GATAD2A: variants seen among roughly 807,000 people sequenced by gnomAD.
The protein encoded by GATAD2A is GATA zinc finger domain containing 2A, also known as transcriptional repressor p66-alpha.
GATAD2A carries 12 observed loss-of-function variants against 68.5 expected under a neutral mutation model. That is an observed-to-expected ratio of 0.18 (90% CI 0.11 to 0.28). The LOEUF is 0.28. GATAD2A is among the 10% of genes least tolerant of loss of function. The pLI, the probability that GATAD2A is intolerant of heterozygous loss-of-function variation, is 1.00. For synonymous variants in GATAD2A, 410 were observed against 375.3 expected (o/e 1.09, Z -1.07); for missense variants, 755 against 868.5 (o/e 0.87, Z 1.64).
At chr19:19,461,200 G>A (rs773151822) in intron 1 of GATAD2A, among the ~76,000 whole-genome samples, 4 of 152,192 alleles carry the variant, frequency 2.6e-5, no homozygotes, top group African/African-American at 4.8e-5. Flanking sequence ...CACTTACTGC[G>A]AAGCCTCACT....
At chr19:19,502,796 A>C (rs982486927) in intron 11 of GATAD2A, among the ~76,000 whole-genome samples, 1 of 152,216 alleles carries the variant, frequency 6.6e-6, no homozygotes, top group Non-Finnish European at 1.5e-5. Flanking sequence ...CCTGGCTCAG[A>C]GGGTGCCCCC....
chr19:19,451,779 T>A (rs886334794), intron 1 of GATAD2A, among the ~76,000 whole-genome samples: 1 of 152,226 alleles, frequency 6.6e-6, no homozygotes, highest in African/African-American at 2.4e-5. Flanking sequence ...TCAGTAGCTG[T>A]GTGGACGCTG....
intron 1 of GATAD2A, among the ~76,000 whole-genome samples, chr19:19,399,018 C>T (rs1281846765): frequency 1.3e-5 from 2 of 151,844 alleles, no homozygotes; most frequent in Non-Finnish European, 2.9e-5. Context: ...GAGATCACGC[C>T]ACTGCCCTCC....
In GATAD2A at chr19:19,414,530, C is replaced by CTT. The variant is rs758728889; in HGVS notation, c.-7+8535_-7+8536dup. Among the ~76,000 whole-genome samples, 440 of 70,220 alleles carry CTT rather than the reference C, an allele frequency of 6.3e-3. 28 individuals are homozygous for CTT. The highest frequency in any genetic ancestry group is 0.02 in the African/African-American group (334 of 16,656). 46.1% of individuals were successfully genotyped at this position (70,220 alleles called of 152,430 possible). ...TCAGTTTCCTTCCTCAGGGCCTTGT[C>CTT]TTTTTTTTTTTTTTTTTTTTTTTTT... is the stretch of plus-strand genomic sequence containing the variant. On this transcript the variant is annotated intron_variant, in intron 1 of 11. Coordinates refer to ENST00000683918, the MANE Select transcript of GATAD2A (RefSeq NM_001384528.1).
At chr19:19,403,886 A>G (rs1479238518), upstream of GATAD2A, among the ~76,000 whole-genome samples, 1 of 152,168 alleles carries the variant, frequency 6.6e-6, no homozygotes, top group African/African-American at 2.4e-5. Context: ...AGCTCTTTGA[A>G]TTCCTATACC....
At chr19:19,430,834 A>G (rs2053639429) in intron 1 of GATAD2A, among the ~76,000 whole-genome samples, 1 of 152,146 alleles carries the variant, frequency 6.6e-6, no homozygotes, top group Non-Finnish European at 1.5e-5. Context: ...TGAGCTTGAG[A>G]GGATAAAATG....
intron 1 of GATAD2A, among the ~76,000 whole-genome samples, chr19:19,434,693 C>G (rs1461168315): frequency 3.3e-5 from 5 of 152,110 alleles, no homozygotes; most frequent in Non-Finnish European, 7.4e-5. Flanking sequence ...AGCCTCTGGC[C>G]CATAGCCCTG....
intron 2 of GATAD2A, among the ~76,000 whole-genome samples, chr19:19,490,821 G>A (rs2059744223): frequency 6.6e-6 from 1 of 152,170 alleles, no homozygotes; most frequent in Admixed American, 6.5e-5. Context: ...GGAGGTGGAG[G>A]TTGCAGTGAG....
At chr19:19,492,533 C>G in intron 3 of GATAD2A, 48 bp from the exon 4 acceptor site, 3 of 1,612,170 alleles carry the variant, frequency 1.9e-6, no homozygotes, top group Non-Finnish European at 2.5e-6. Flanking sequence ...GGCCTCTGCT[C>G]CTCACCAAGG....
intron 1 of GATAD2A, among the ~76,000 whole-genome samples, chr19:19,459,203 T>A (rs1363012127): frequency 2.6e-5 from 4 of 152,196 alleles, no homozygotes; most frequent in Non-Finnish European, 5.9e-5. Context: ...ACAGGACTGA[T>A]TCATAGTCAC....
intron 7 of GATAD2A, among the ~76,000 whole-genome samples, 163 bp downstream of exon 7, chr19:19,496,382 G>T (rs926108252): frequency 2.6e-5 from 4 of 152,200 alleles, no homozygotes; most frequent in Admixed American, 6.5e-5. Context: ...AGCTCCTGGG[G>T]GCCACAGGGC....
exon 1 of GATAD2A, chr19:19,385,960 C>G (rs1285984484): frequency 1.3e-5 from 2 of 148,608 alleles, no homozygotes; most frequent in African/African-American, 4.9e-5. Flanking sequence ...GAGCGCGCCC[C>G]GCGCCGCCCG....
chr19:19,448,173 T>C (rs2055955157), intron 1 of GATAD2A, among the ~76,000 whole-genome samples: 2 of 152,246 alleles, frequency 1.3e-5, no homozygotes, highest in South Asian at 4.1e-4. Context: ...TGGCCAGCCC[T>C]CACAGTGACG....
At chr19:19,477,075 A>G (rs1335248004) in intron 2 of GATAD2A, among the ~76,000 whole-genome samples, 2 of 152,180 alleles carry the variant, frequency 1.3e-5, no homozygotes, top group African/African-American at 4.8e-5. Flanking sequence ...AGGCTCCACC[A>G]TAGTGTAAAG....
At chr19:19,458,892 T>G (rs972325597) in intron 1 of GATAD2A, among the ~76,000 whole-genome samples, 2 of 152,276 alleles carry the variant, frequency 1.3e-5, no homozygotes, top group African/African-American at 4.8e-5. Context: ...AGCTTCCCCC[T>G]CTCTCCAGAG....
intron 2 of GATAD2A, among the ~76,000 whole-genome samples, chr19:19,491,871 G>T (rs998645484): frequency 2.0e-5 from 3 of 152,208 alleles, no homozygotes; most frequent in African/African-American, 7.2e-5. Flanking sequence ...CTGCGGGCTG[G>T]TGGCGAGGCA....
intron 8 of GATAD2A, among the ~76,000 whole-genome samples, chr19:19,499,251 G>C (rs951758800): frequency 5.3e-5 from 8 of 152,262 alleles, no homozygotes; most frequent in African/African-American, 1.9e-4. Context: ...CAGCATTGGA[G>C]ACGGCTGGGC....
chr19:19,462,663 T>A (rs780836157), intron 1 of GATAD2A, among the ~76,000 whole-genome samples: 2 of 152,228 alleles, frequency 1.3e-5, no homozygotes, highest in Non-Finnish European at 2.9e-5. Context: ...AAGAGAGGTC[T>A]CTGGGGCTGG....
Position 19,505,945 on chromosome 19 carries a change from C to G in GATAD2A, c.*471C>G. 1 of 399,064 alleles carries G rather than the reference C, an allele frequency of 2.5e-6. No individual in the cohort carries two copies. Among genetic ancestry groups the G allele is most frequent in the Non-Finnish European group, 4.4e-6 (1 of 226,218 alleles). The allele number at this position is 399,064 out of a possible 1,614,324, so 24.7% of individuals were successfully genotyped here. A position where few individuals can be genotyped will look rare whatever the true frequency, so the allele number is the denominator to read the frequency against. On this transcript the variant is annotated 3_prime_UTR_variant, in exon 12 of 12. Coordinates refer to ENST00000683918, the MANE Select transcript of GATAD2A (RefSeq NM_001384528.1). ...TCTTAGGCTCCCAGTCTTTGACTGCCTTCCCATGGCGATCTATAAGTTGAA... is the reference window on the plus strand; with the variant it reads ...TCTTAGGCTCCCAGTCTTTGACTGCGTTCCCATGGCGATCTATAAGTTGAA...
Sources: gnomAD v4.1 joint callset for allele counts (sites outside exome capture counted in the v4.1 genomes callset) on GRCh38, gnomAD v4.1.1 for gene constraint, MANE v1.5 for transcripts, NCBI Gene and HGNC (gene_info 2026-07-23, HGNC 2026-07-21) for gene names.